The following LRRC28 variants were observed in gnomAD, a reference collection of about 807,000 sequenced individuals.
LRRC28 encodes the protein leucine rich repeat containing 28.
A neutral mutation model predicts 45.7 loss-of-function variants in LRRC28; 39 were observed. The observed-to-expected ratio is 0.85, with a 90% CI of 0.66 to 1.12. LRRC28 has a LOEUF of 1.12. Among genes scored for constraint, LRRC28 ranks in the 50% most tolerant of loss-of-function variants. LRRC28 has a pLI of 0.00. For synonymous variants in LRRC28, 206 were observed against 178.8 expected (o/e 1.15, Z -1.22); for missense variants, 435 against 438.5 (o/e 0.99, Z 0.07).
At chr15:99,306,525 G>A (rs567760811) in intron 5 of LRRC28, among the ~76,000 whole-genome samples, 2 of 152,096 alleles carry the variant, frequency 1.3e-5, no homozygotes, top group South Asian at 2.1e-4. Flanking sequence ...TTTTGTCAAC[G>A]TTTAAAAGCT....
intron 9 of LRRC28, among the ~76,000 whole-genome samples, chr15:99,381,036 C>G (rs1239357045): frequency 1.3e-5 from 2 of 152,160 alleles, no homozygotes; most frequent in African/African-American, 4.8e-5. Context: ...CGAGGAGTAT[C>G]TTTGTGGTGT....
chr15:99,378,923 G>T (rs1957728786), intron 9 of LRRC28, among the ~76,000 whole-genome samples: 1 of 152,136 alleles, frequency 6.6e-6, no homozygotes, highest in Non-Finnish European at 1.5e-5. Flanking sequence ...TTCTTGATGT[G>T]CTGCTGGATT....
rs191473483 is a variant in LRRC28 at position 99,379,476 on chromosome 15, C to T, written c.1032-6554C>T. ...CTAGCAGTCTATCAATTTTGTTGAT[C>T]TTTTCAAAAAACCAGCTCCTGGATT... On this transcript the variant is annotated intron_variant, in intron 9 of 9. Transcript: ENST00000301981. Among the ~76,000 whole-genome samples, 63 of 152,188 alleles carry T rather than the reference C, an allele frequency of 4.1e-4. 1 individual carries two copies. The East Asian group carries it at 0.012, about 28-fold the overall frequency.
At position 99,363,159 on chromosome 15, in the gene LRRC28, C is replaced by T. The variant is rs982889011; in HGVS notation, c.925C>T (p.His309Tyr). 1.4e-5 allele frequency: 23 copies of T among 1,613,904 alleles called. No individual in the cohort carries two copies. The highest frequency in any genetic ancestry group is 1.8e-5 in the Non-Finnish European group (21 of 1,179,896). The change falls in exon 9 of 10, where the codon CAC (histidine) becomes TAC (tyrosine). Residue 309 changes from histidine (H) to tyrosine (Y), a missense_variant. Coordinates refer to ENST00000301981, the MANE Select transcript of LRRC28 (RefSeq NM_144598.5). ...ACCCAGAAGTCTCCTAGAGCTGCTG[C>T]ACTGCCCTCTGGGGCACTGTCATCG... ...SLPRSLLELL[H>Y]CPLGHCHRCS...
chr15:99,264,599 A>G (rs191617085), intron 2 of LRRC28, among the ~76,000 whole-genome samples: 22 of 152,368 alleles, frequency 1.4e-4, no homozygotes, highest in African/African-American at 5.0e-4. Context: ...AAACCCCCAC[A>G]TAGATGGGAT....
At chr15:99,385,040 T>G (rs1306223362) in intron 9 of LRRC28, among the ~76,000 whole-genome samples, 1 of 152,172 alleles carries the variant, frequency 6.6e-6, no homozygotes, top group Non-Finnish European at 1.5e-5. Flanking sequence ...GCTTAATCCT[T>G]GGGCCTGAAG....
At chr15:99,383,464 C>G (rs1450501841) in intron 9 of LRRC28, among the ~76,000 whole-genome samples, 3 of 152,162 alleles carry the variant, frequency 2.0e-5, no homozygotes, top group African/African-American at 7.2e-5. Flanking sequence ...TGGGGCCTAC[C>G]CCATCTTGGC....
intron 5 of LRRC28, among the ~76,000 whole-genome samples, chr15:99,329,419 A>G (rs1210633427): frequency 6.6e-6 from 1 of 152,240 alleles, no homozygotes; most frequent in Non-Finnish European, 1.5e-5. Context: ...AGTGGTGTAC[A>G]ACTTCTGCCC....
At chr15:99,261,123 C>T (rs548934287) in intron 2 of LRRC28, among the ~76,000 whole-genome samples, 4 of 152,224 alleles carry the variant, frequency 2.6e-5, no homozygotes, top group African/African-American at 9.6e-5. Flanking sequence ...ATTTGTAGGA[C>T]GATTGCATGA....
chr15:99,279,891 C>G (rs7163435), intron 3 of LRRC28, among the ~76,000 whole-genome samples: 14,558 of 152,112 alleles, frequency 0.096, 985 homozygotes, highest in East Asian at 0.32. Context: ...AAAAAACTGC[C>G]GGTTTACCAG....
chr15:99,374,875 G>A (rs556353187), intron 9 of LRRC28, among the ~76,000 whole-genome samples: 2 of 151,592 alleles, frequency 1.3e-5, no homozygotes, highest in South Asian at 2.1e-4. Context: ...TACTGTATTA[G>A]TCAAGATGAT....
chr15:99,259,300 C>T, intron 2 of LRRC28: 1 of 1,155,152 alleles, frequency 8.7e-7, no homozygotes, highest in Non-Finnish European at 1.3e-6. Flanking sequence ...TGAAAAGGGG[C>T]TATGAAGTTA....
chr15:99,334,095 C>G lies in LRRC28; in HGVS notation c.558C>G (p.Ser186=). The G allele has an allele frequency of 6.2e-7, 1 of 1,614,106 alleles. No individual in the cohort carries two copies. The highest frequency in any genetic ancestry group is 1.7e-5 in the Admixed American group (1 of 60,018). ...LCQLPSLNEL[S]MAGNRLAFLP... ...AGCTGCCCAGCCTCAATGAGCTCTCCATGGCTGGAAACCGTCTTGCATTTT... is the reference window on the plus strand; with the variant it reads ...AGCTGCCCAGCCTCAATGAGCTCTCGATGGCTGGAAACCGTCTTGCATTTT... The change falls in exon 6 of 10, where the codon TCC becomes TCG. Residue 186 remains serine, a synonymous_variant. Transcript: ENST00000301981.
intron 9 of LRRC28, among the ~76,000 whole-genome samples, chr15:99,365,491 G>A (rs924114111): frequency 6.6e-6 from 1 of 152,180 alleles, no homozygotes; most frequent in African/African-American, 2.4e-5. Flanking sequence ...CATGGAGATT[G>A]TATTAAAAGC....
At chr15:99,274,550 C>G (rs983662489) in intron 2 of LRRC28, among the ~76,000 whole-genome samples, 1 of 152,142 alleles carries the variant, frequency 6.6e-6, no homozygotes, top group South Asian at 2.1e-4. Flanking sequence ...TGTATAACAG[C>G]TTATGCTGCA....
chr15:99,311,549 G>A (rs1480735803), intron 5 of LRRC28, among the ~76,000 whole-genome samples: 2 of 152,144 alleles, frequency 1.3e-5, no homozygotes, highest in Admixed American at 1.3e-4. Flanking sequence ...TTTTAAAAAG[G>A]AAATGTATGA....
chr15:99,328,490 A>G (rs533040188), intron 5 of LRRC28, among the ~76,000 whole-genome samples: 1 of 152,058 alleles, frequency 6.6e-6, no homozygotes, highest in Non-Finnish European at 1.5e-5. Context: ...GGTGTGGTTT[A>G]AGGAGACACA....
chr15:99,255,755 T>G (rs2080998413), intron 1 of LRRC28, 143 bp from the exon 2 acceptor site: 1 of 440,738 alleles, frequency 2.3e-6, no homozygotes, highest in Non-Finnish European at 3.9e-6. Flanking sequence ...GTGTGACAGT[T>G]TTAGTTTTGA....
intron 5 of LRRC28, among the ~76,000 whole-genome samples, chr15:99,313,749 AT>A (rs1380564910): frequency 2.0e-5 from 3 of 151,876 alleles, no homozygotes; most frequent in South Asian, 2.1e-4. Context: ...CTTGGTTGAC[AT>A]TTTTTTTCTT....
Sources: gnomAD v4.1 joint callset for allele counts (sites outside exome capture counted in the v4.1 genomes callset) on GRCh38, gnomAD v4.1.1 for gene constraint, MANE v1.5 for transcripts, NCBI Gene and HGNC (gene_info 2026-07-23, HGNC 2026-07-21) for gene names.